Variants in CYP2C19 observed in about 807,000 individuals in gnomAD.
CYP2C19 encodes the protein cytochrome P450 2C19.
CYP2C19 carries 59 observed loss-of-function variants against 40.9 expected under a neutral mutation model. The observed-to-expected ratio is 1.44, with a 90% confidence interval of 1.17 to 1.79. CYP2C19 has a LOEUF of 1.79. Among genes scored for constraint, CYP2C19 ranks in the 40% most tolerant of loss-of-function variants. CYP2C19 has a pLI of 0.00. For missense variants in CYP2C19, 754 were observed against 596.9 expected, an observed-to-expected ratio of 1.26 and a Z score of -2.74; for synonymous variants, 253 against 208.7, an observed-to-expected ratio of 1.21 and a Z score of -1.83.
intron 5 of CYP2C19, among the ~76,000 whole-genome samples, chr10:94,810,005 C>G (rs1354577592): frequency 6.6e-6 from 1 of 152,134 alleles, no homozygotes; most frequent in Non-Finnish European, 1.5e-5. Context: ...CCTTAGCCCC[C>G]TGAATAGCTG....
intron 6 of CYP2C19, among the ~76,000 whole-genome samples, chr10:94,834,038 T>C (rs1721308910): frequency 6.6e-6 from 1 of 152,244 alleles, no homozygotes; most frequent in South Asian, 2.1e-4. Flanking sequence ...AAGTATTCTC[T>C]TCTCCTTTAT....
At chr10:94,844,422 C>T (rs1481670072) in intron 7 of CYP2C19, among the ~76,000 whole-genome samples, 1 of 151,058 alleles carries the variant, frequency 6.6e-6, no homozygotes, top group Non-Finnish European at 1.5e-5. Context: ...GTTCTCCTAC[C>T]TCTGGAATCT....
chr10:94,771,544 G>A (rs1206637312), intron 1 of CYP2C19, among the ~76,000 whole-genome samples: 1 of 152,086 alleles, frequency 6.6e-6, no homozygotes, highest in Non-Finnish European at 1.5e-5. Context: ...GTGGGGCCAG[G>A]CCATAGTGCA....
chr10:94,848,995 T>A (rs1313013299), intron 7 of CYP2C19, among the ~76,000 whole-genome samples: 2 of 152,182 alleles, frequency 1.3e-5, no homozygotes, highest in African/African-American at 4.8e-5. Context: ...GATGGGGTTG[T>A]CTAGATGTAC....
At chr10:94,778,330 G>A (rs983122175) in intron 3 of CYP2C19, among the ~76,000 whole-genome samples, 7 of 152,194 alleles carry the variant, frequency 4.6e-5, no homozygotes, top group East Asian at 1.9e-4. Context: ...GAACAGCTGC[G>A]TTCAGCTATT....
chr10:94,789,411 T>A (rs1009160452), intron 5 of CYP2C19, among the ~76,000 whole-genome samples: 4 of 152,152 alleles, frequency 2.6e-5, no homozygotes, highest in Admixed American at 2.0e-4. Flanking sequence ...AGTCATAAAG[T>A]CCTTGCCCAT....
At chr10:94,770,545 T>A (rs1848314502) in intron 1 of CYP2C19, among the ~76,000 whole-genome samples, 1 of 152,102 alleles carries the variant, frequency 6.6e-6, no homozygotes, top group South Asian at 2.1e-4. Flanking sequence ...GTTTTAATAA[T>A]GCCTCCAGAT....
At chr10:94,790,961 C>A (rs140204411) in intron 5 of CYP2C19, among the ~76,000 whole-genome samples, 1 of 152,032 alleles carries the variant, frequency 6.6e-6, no homozygotes, top group Non-Finnish European at 1.5e-5. Flanking sequence ...CCTCTTTGTA[C>A]CTCTGGTGGA....
intron 5 of CYP2C19, among the ~76,000 whole-genome samples, chr10:94,793,661 G>A (rs949017025): frequency 6.6e-5 from 10 of 152,114 alleles, no homozygotes; most frequent in African/African-American, 2.4e-4. Flanking sequence ...ACCAGTGGAG[G>A]CTGCAGAACA....
chr10:94,802,928 G>A (rs946859424), intron 5 of CYP2C19, among the ~76,000 whole-genome samples: 19 of 151,984 alleles, frequency 1.3e-4, no homozygotes, highest in East Asian at 1.9e-4. Context: ...CTCTCTTCTC[G>A]CTTGTCATGT....
intron 5 of CYP2C19, among the ~76,000 whole-genome samples, chr10:94,797,123 T>A (rs1161186951): frequency 1.3e-5 from 2 of 152,170 alleles, no homozygotes; most frequent in Non-Finnish European, 2.9e-5. Context: ...ATATTGGCTG[T>A]GCATTTGTCA....
intron 6 of CYP2C19, among the ~76,000 whole-genome samples, chr10:94,838,099 C>T (rs1849433668): frequency 6.6e-6 from 1 of 152,162 alleles, no homozygotes; most frequent in Non-Finnish European, 1.5e-5. Context: ...GATTTTCTTC[C>T]TTTCCCTGTG....
intron 1 of CYP2C19, chr10:94,774,147 C>A (rs949501499): frequency 6.6e-6 from 1 of 152,150 alleles, no homozygotes; most frequent in Non-Finnish European, 1.5e-5. Flanking sequence ...CAGATGGCTT[C>A]ACCTCTCAGT....
At chr10:94,803,819 A>G (rs1848798109) in intron 5 of CYP2C19, among the ~76,000 whole-genome samples, 1 of 152,138 alleles carries the variant, frequency 6.6e-6, no homozygotes, top group Non-Finnish European at 1.5e-5. Context: ...CTGCGGCCAG[A>G]TCTCTGTACA....
intron 7 of CYP2C19, among the ~76,000 whole-genome samples, chr10:94,845,929 A>G (rs139853521): frequency 6.6e-6 from 1 of 152,046 alleles, no homozygotes; most frequent in Non-Finnish European, 1.5e-5. Context: ...ATATATATCT[A>G]CTTTGATATC....
At chr10:94,795,928 T>C (rs1589356650) in intron 5 of CYP2C19, among the ~76,000 whole-genome samples, 1 of 152,268 alleles carries the variant, frequency 6.6e-6, no homozygotes, top group Admixed American at 6.5e-5. Context: ...ATTGCAAAAA[T>C]TTTCTCCCAT....
chr10:94,820,387 C>T, intron 5 of CYP2C19, 109 bp from the exon 6 acceptor site: 1 of 1,298,424 alleles, frequency 7.7e-7, no homozygotes, highest in Non-Finnish European at 1.1e-6. Context: ...TAGTACTATA[C>T]TTTACAGTTT....
chr10:94,850,581 C>T (rs1038378597), intron 8 of CYP2C19, among the ~76,000 whole-genome samples: 4 of 152,120 alleles, frequency 2.6e-5, no homozygotes, highest in African/African-American at 4.8e-5. Context: ...AAAGAACAGG[C>T]TGTTGTGGGT....
At chr10:94,787,155 C>T (rs993393721) in intron 5 of CYP2C19, among the ~76,000 whole-genome samples, 9 of 152,074 alleles carry the variant, frequency 5.9e-5, no homozygotes, top group African/African-American at 1.9e-4. Flanking sequence ...GCCTTACCAA[C>T]ATCTGTTATT....
Sources: allele counts gnomAD v4.1 joint callset (sites outside exome capture counted in the v4.1 genomes callset), GRCh38; gene constraint gnomAD v4.1.1; transcripts MANE v1.5; gene names NCBI Gene and HGNC (gene_info 2026-07-23, HGNC 2026-07-21).